ANK3: variants seen among roughly 807,000 people sequenced by gnomAD.
ANK3 encodes the protein ankyrin 3.
ANK3 carries 57 observed loss-of-function variants against 370.9 expected under a neutral mutation model. The observed-to-expected ratio is 0.15, with a 90% CI of 0.12 to 0.19. ANK3 has a LOEUF of 0.19. Among genes scored for constraint, ANK3 ranks in the 10% least tolerant of loss-of-function variants. The probability of loss-of-function intolerance (pLI) is 1.00; values close to 1 mark genes in which losing one functional copy is unlikely to be tolerated. For synonymous variants in ANK3, 1,929 were observed against 1,946.3 expected (o/e 0.99, Z 0.23); for missense variants, 4,439 against 5,302.1 (o/e 0.84, Z 5.06).
At chr10:60,495,918 G>A (rs376195612) in intron 2 of ANK3, among the ~76,000 whole-genome samples, 3 of 151,412 alleles carry the variant, frequency 2.0e-5, no homozygotes, top group African/African-American at 7.3e-5. Flanking sequence ...TTTAATAAGT[G>A]TTCTTATAGC....
chr10:60,159,204 C>T (rs911893328), intron 23 of ANK3, among the ~76,000 whole-genome samples: 9 of 151,956 alleles, frequency 5.9e-5, no homozygotes, highest in Non-Finnish European at 1.2e-4. Flanking sequence ...CTCACTTTAC[C>T]TATAAAGACA....
rs116075262 is a variant in ANK3, at chr10:60,036,127, C to G, written c.*20-6301G>C. 7.9e-3 allele frequency among the ~76,000 whole-genome samples: 1,209 copies of G among 152,182 alleles called. 16 individuals carry two copies. Among genetic ancestry groups the G allele is most frequent in the African/African-American group, 0.028 (1,166 of 41,532 alleles). On this transcript the variant is annotated intron_variant, in intron 43 of 43. Transcript: ENST00000280772. ...AAGAGGAATAAGGATACCTGTTGTA[C>G]TAACTTCCTAGGGCTACTGTGAAAA...
intron 1 of ANK3, among the ~76,000 whole-genome samples, chr10:60,353,729 G>A (rs1471735127): frequency 6.6e-6 from 1 of 152,132 alleles, no homozygotes; most frequent in Non-Finnish European, 1.5e-5. Context: ...AACCACTAAA[G>A]GAATACAAAG....
At chr10:60,480,577 T>C (rs1440742835) in intron 2 of ANK3, among the ~76,000 whole-genome samples, 2 of 152,046 alleles carry the variant, frequency 1.3e-5, no homozygotes, top group Non-Finnish European at 2.9e-5. Context: ...TCAGCAAATA[T>C]CTCTTAAGCA....
chr10:60,335,072 A>G (rs1226043097), intron 1 of ANK3, among the ~76,000 whole-genome samples: 2 of 152,096 alleles, frequency 1.3e-5, no homozygotes, highest in Non-Finnish European at 2.9e-5. Context: ...CCATGTTGAG[A>G]AAATGGATTT....
chr10:60,323,069 C>T (rs1292687394), intron 1 of ANK3, among the ~76,000 whole-genome samples: 1 of 152,138 alleles, frequency 6.6e-6, no homozygotes, highest in Admixed American at 6.6e-5. Context: ...TGCAAGTAAT[C>T]TACCCGGGAG....
intron 2 of ANK3, among the ~76,000 whole-genome samples, chr10:60,407,161 C>T (rs761352200): frequency 6.6e-6 from 1 of 152,162 alleles, no homozygotes; most frequent in African/African-American, 2.4e-5. Flanking sequence ...AATTGGTTAA[C>T]CCCTGCTTTT....
intron 23 of ANK3, among the ~76,000 whole-genome samples, chr10:60,158,685 C>CTT (rs141741941): frequency 3.0e-5 from 4 of 132,710 alleles, no homozygotes; most frequent in African/African-American, 1.2e-4. Context: ...CACTTTTTTT[C>CTT]TTTTTTTTGA....
Position 60,643,498 on chromosome 10 carries a change from T to TTG in ANK3, c.58-28275_58-28274insCA, listed in dbSNP as rs1207841466. Among the ~76,000 whole-genome samples, 304 of 106,568 alleles carry TTG rather than the reference T, an allele frequency of 2.9e-3. 1 individual carries two copies. The highest frequency in any genetic ancestry group is 9.9e-3 in the African/African-American group (288 of 29,218). The allele number at this position is 106,568 out of a possible 152,430, so 69.9% of individuals were successfully genotyped here. ...AAGTTAATACTTAATAAACTCCCCT[T>TTG]TATATCTATCTATCTATCTATCTAT... On this transcript the variant is annotated intron_variant, in intron 1 of 43. Coordinates refer to the ANK3 transcript ENST00000373827.
Position 60,410,411 on chromosome 10 carries a change from T to C in ANK3, c.97-130772A>G, listed in dbSNP as rs1380457. 8.8e-3 allele frequency among the ~76,000 whole-genome samples: 1,338 copies of C among 152,318 alleles called. 21 individuals are homozygous for C. Among genetic ancestry groups the C allele is most frequent in the African/African-American group, 0.028 (1,175 of 41,558 alleles). On this transcript the variant is annotated intron_variant, in intron 2 of 43. Transcript: ENST00000373827. ...TGTTTTTCTTTGCTAATGTGTTCCA[T>C]AGAGCTTAGAGTGTTTGATACTTAA...
At chr10:60,471,051 A>G (rs1437207909) in intron 2 of ANK3, among the ~76,000 whole-genome samples, 1 of 152,182 alleles carries the variant, frequency 6.6e-6, no homozygotes, top group Non-Finnish European at 1.5e-5. Context: ...TATCAATATT[A>G]GCACTGCTCT....
At chr10:60,095,123 A>G (rs1012905546) in intron 28 of ANK3, among the ~76,000 whole-genome samples, 4 of 152,222 alleles carry the variant, frequency 2.6e-5, no homozygotes, top group African/African-American at 9.7e-5. Flanking sequence ...TTTTGAGTCT[A>G]ATAAAATTAT....
intron 1 of ANK3, among the ~76,000 whole-genome samples, chr10:60,643,064 A>T (rs1348903153): frequency 6.6e-6 from 1 of 152,160 alleles, no homozygotes; most frequent in Non-Finnish European, 1.5e-5. Context: ...TAATCCTGGT[A>T]TCCTGGCTCC....
At chr10:60,700,260 G>A (rs1042790173) in intron 1 of ANK3, among the ~76,000 whole-genome samples, 1 of 152,070 alleles carries the variant, frequency 6.6e-6, no homozygotes, top group African/African-American at 2.4e-5. Flanking sequence ...AATTTATAAA[G>A]CAATAATTCT....
At chr10:60,044,165 T>C in intron 42 of ANK3, 1 of 985,644 alleles carries the variant, frequency 1.0e-6, no homozygotes, top group South Asian at 4.7e-5. Flanking sequence ...AGTAGAGATT[T>C]TTCTGTTTTA....
At chr10:60,661,932 G>A (rs2078940770) in intron 1 of ANK3, among the ~76,000 whole-genome samples, 1 of 152,070 alleles carries the variant, frequency 6.6e-6, no homozygotes, top group African/African-American at 2.4e-5. Context: ...GCCAGACGGG[G>A]ATTTGAACCA....
At chr10:60,474,764 T>C (rs571637191) in intron 2 of ANK3, among the ~76,000 whole-genome samples, 9 of 152,274 alleles carry the variant, frequency 5.9e-5, no homozygotes, top group Non-Finnish European at 1.0e-4. Context: ...AAATATTCCA[T>C]ACTCATTTTG....
intron 2 of ANK3, among the ~76,000 whole-genome samples, chr10:60,610,188 T>C (rs903136979): frequency 1.3e-5 from 2 of 152,134 alleles, no homozygotes; most frequent in African/African-American, 4.8e-5. Context: ...TGAAAAAATA[T>C]TCTATCCATT....
intron 1 of ANK3, among the ~76,000 whole-genome samples, chr10:60,301,514 G>A (rs1199303554): frequency 6.6e-6 from 1 of 150,532 alleles, no homozygotes; most frequent in African/African-American, 2.4e-5. Flanking sequence ...CCCTGGTTCA[G>A]GCAATTCTCT....
Sources: gnomAD v4.1 joint callset for allele counts (sites outside exome capture counted in the v4.1 genomes callset) on GRCh38, gnomAD v4.1.1 for gene constraint, MANE v1.5 for transcripts, NCBI Gene and HGNC (gene_info 2026-07-23, HGNC 2026-07-21) for gene names.